The following RNF213 variants were observed in gnomAD, a reference collection of about 807,000 sequenced individuals.
RNF213 encodes the protein E3 ubiquitin-protein ligase RNF213.
Under a neutral mutation model 514.4 loss-of-function variants are expected in RNF213, and 341 were observed. That is an observed-to-expected ratio of 0.66 (90% CI 0.61 to 0.73). The LOEUF (loss-of-function observed/expected upper bound fraction) is 0.73. RNF213 is among the 30% of genes least tolerant of loss of function. The pLI, the probability that RNF213 is intolerant of heterozygous loss-of-function variation, is 0.00. For synonymous variants in RNF213, 2,655 were observed against 2,658.2 expected, an observed-to-expected ratio of 1.00 and a Z score of 0.04; for missense variants, 5,767 against 6,615.6, an observed-to-expected ratio of 0.87 and a Z score of 4.45.
rs1008733330 is a variant in RNF213 at position 80,398,168 on chromosome 17, CTTTGGT to C, written c.*4681_*4686del. Reference sequence around the variant, plus strand: ...TTGACTTGACTTGGATTGCTTGATACTTTGGTTTTGGTTTTGACCTGACTTGGATAT... The same window carrying C: ...TTGACTTGACTTGGATTGCTTGATACTTTGGTTTTGACCTGACTTGGATAT... On this transcript the variant is annotated 3_prime_UTR_variant, in exon 68 of 68. Transcript: ENST00000582970. The C allele has an allele frequency of 7.2e-5, 11 of 151,880 alleles. No homozygotes were observed. Among genetic ancestry groups the C allele is most frequent in the African/African-American group, 1.7e-4 (7 of 41,338 alleles). 9.4% of individuals were successfully genotyped at this position (151,880 alleles called of 1,614,324 possible).
At chr17:80,348,468 C>T (rs893013332) in intron 29 of RNF213, among the ~76,000 whole-genome samples, 182 bp downstream of exon 29, 4 of 152,228 alleles carry the variant, frequency 2.6e-5, no homozygotes, top group African/African-American at 9.7e-5. Flanking sequence ...GTGCTGAGTG[C>T]CTGGCTCTGT....
intron 36 of RNF213, among the ~76,000 whole-genome samples, chr17:80,355,656 G>A (rs1295870819): frequency 1.2e-4 from 6 of 48,908 alleles, no homozygotes; most frequent in African/African-American, 4.1e-4. Context: ...CGGGGTGGAC[G>A]GGAATGGGGG....
chr17:80,362,156 C>T (rs1211980098), intron 39 of RNF213, among the ~76,000 whole-genome samples: 1 of 152,138 alleles, frequency 6.6e-6, no homozygotes, highest in African/African-American at 2.4e-5. Flanking sequence ...CTTGACATAG[C>T]TTCTTTTTAA....
chr17:80,372,778 G>A (rs372341055), intron 48 of RNF213, 44 bp downstream of exon 48: 50 of 1,580,894 alleles, frequency 3.2e-5, no homozygotes, highest in Admixed American at 8.5e-5. Flanking sequence ...TAAAGACTCC[G>A]TTATTTAGAA....
intron 8 of RNF213, among the ~76,000 whole-genome samples, chr17:80,293,963 T>A (rs1054994047): frequency 4.6e-5 from 7 of 152,158 alleles, no homozygotes; most frequent in Non-Finnish European, 1.0e-4. Context: ...TGGGCGGGCC[T>A]GCCAGTCTAG....
At position 80,288,733 on chromosome 17, in the gene RNF213, C is replaced by T. The variant is rs1170617008; in HGVS notation, c.911C>T (p.Pro304Leu). The T allele has an allele frequency of 1.2e-6, 2 of 1,614,230 alleles. No homozygotes were observed. Among genetic ancestry groups the T allele is most frequent in the South Asian group, 2.2e-5 (2 of 91,084 alleles). The change falls in exon 5 of 68, where the codon CCT (proline) becomes CTT (leucine). Residue 304 changes from proline to leucine, a missense_variant. Transcript: ENST00000582970. This position sits in a 1 kb window ranked among gnomAD's most constrained non-coding sequence, Gnocchi z 4.9. ...ATGAAACAGCCACCAGCAACCACTC[C>T]TCCTTTCAAAACACACTGCCAGGTG... is the stretch of plus-strand genomic sequence containing the variant. ...QRMKQPPATT[P>L]PFKTHCQEAE... is the part of the protein sequence containing the mutation.
rs753352325 is a variant in RNF213, at chr17:80,332,293, C to T, written c.3805C>T (p.Leu1269Phe). 6.4e-5 allele frequency: 98 copies of T among 1,537,088 alleles called. No homozygotes were observed. Among genetic ancestry groups the T allele is most frequent in the Non-Finnish European group, 7.8e-5 (89 of 1,146,908 alleles). The change falls in exon 21 of 68, where the codon CTT (leucine) becomes TTT (phenylalanine). Residue 1269 changes from leucine to phenylalanine, a missense_variant. Leu to Phe is a conservative substitution (Grantham distance 22, BLOSUM62 0). Coordinates refer to ENST00000582970, the MANE Select transcript of RNF213 (RefSeq NM_001256071.3). ...EPEEESERHI[L>F]ELEEVYDYLY... is the part of the protein sequence containing the mutation. ...CGAAGAAGAATCAGAAAGGCACATC[C>T]TTGAGCTTGAAGAGGTGTATGACTA...
chr17:80,291,985 A>G (rs1429275948), intron 8 of RNF213, 158 bp downstream of exon 8: 2 of 765,984 alleles, frequency 2.6e-6, no homozygotes, highest in Non-Finnish European at 4.5e-6. Context: ...GTTCAGTGAC[A>G]CTGACTCTGG....
In RNF213 at chr17:80,280,567, C is replaced by G. The variant is rs138790004; in HGVS notation, c.261+7163C>G. Among the ~76,000 whole-genome samples, 15 of 152,230 alleles carry G rather than the reference C, an allele frequency of 9.9e-5. No individual in the cohort carries two copies. In the East Asian group the frequency reaches 2.9e-3, roughly 29 times the overall value. The stretch of plus-strand genomic sequence containing the variant: ...TTCCTGGGCTCAAGCAATCCTCGTG[C>G]CTCAGCCTCCCGAGTAGCTGGGACT... On this transcript the variant is annotated intron_variant, in intron 3 of 67. Coordinates refer to ENST00000582970, the MANE Select transcript of RNF213 (RefSeq NM_001256071.3).
At chr17:80,386,459 G>A in intron 62 of RNF213, 29 bp downstream of exon 62, 4 of 1,611,644 alleles carry the variant, frequency 2.5e-6, no homozygotes, top group Non-Finnish European at 3.4e-6. Flanking sequence ...AGGAAGTGGT[G>A]CCTGCTCAGC....
At chr17:80,331,908 C>G in intron 20 of RNF213, 98 bp from the exon 21 acceptor site, 1 of 1,378,078 alleles carries the variant, frequency 7.3e-7, no homozygotes, top group Admixed American at 2.5e-5. Context: ...CTCTTGAGTT[C>G]GCTCAGAGAA....
intron 13 of RNF213, among the ~76,000 whole-genome samples, 161 bp downstream of exon 13, chr17:80,307,362 G>GCTTTT (rs550244427): frequency 1.7e-4 from 19 of 113,720 alleles, no homozygotes; most frequent in Non-Finnish European, 2.4e-4. Context: ...ATTGTCGTCT[G>GCTTTT]TTTTTTTTTT....
chr17:80,265,035 T>C (rs2043560721), intron 2 of RNF213, among the ~76,000 whole-genome samples: 1 of 110,086 alleles, frequency 9.1e-6, no homozygotes, highest in Non-Finnish European at 1.8e-5. Flanking sequence ...AGTCCTTCCA[T>C]GTTTGTTTGT....
At position 80,380,904 on chromosome 17, in the gene RNF213, C is replaced by T. The variant is rs1040434824; in HGVS notation, c.13714C>T (p.Arg4572Ter). 1.9e-6 allele frequency: 3 copies of T among 1,614,144 alleles called. No individual in the cohort carries two copies. The highest frequency in any genetic ancestry group is 1.7e-5 in the Admixed American group (1 of 60,014). ...PQRRDVVTCD[R>*]GLPPVVFLLI... The stretch of plus-strand genomic sequence containing the variant: ...GCGGAGAGACGTGGTGACATGTGAC[C>T]GAGGGCTGCCCCCAGTGGTCTTCCT... Residue 4572 changes from arginine to a stop codon, truncating the protein, a stop_gained, in exon 56 of 68, where the codon CGA (arginine) becomes TGA (stop). Transcript: ENST00000582970. LOFTEE classifies it high-confidence loss of function.
intron 47 of RNF213, 104 bp downstream of exon 47, chr17:80,372,089 C>T (rs1032037980): frequency 1.5e-5 from 11 of 750,282 alleles, no homozygotes; most frequent in Non-Finnish European, 2.6e-5. Flanking sequence ...AACGAATGCT[C>T]TGTTCCGTGC....
At position 80,339,659 on chromosome 17, in the gene RNF213, C is replaced by A. The variant is rs749225397; in HGVS notation, c.5292C>A (p.Leu1764=). ...GCATGAGGAGAGTCATGGAAGAGCT[C>A]CCGCTGATGCTCTTATCAGAGTTCA... The part of the protein sequence containing the change: ...RYRMRRVMEE[L]PLMLLSEFSL... Residue 1764 remains leucine, a synonymous_variant, in exon 26 of 68, where the codon CTC becomes CTA. Coordinates refer to ENST00000582970, the MANE Select transcript of RNF213 (RefSeq NM_001256071.3). The A allele has an allele frequency of 1.1e-5, 17 of 1,536,958 alleles. No individual in the cohort carries two copies. The highest frequency in any genetic ancestry group is 1.4e-5 in the Non-Finnish European group (16 of 1,146,808).
At position 80,343,221 on chromosome 17, in the gene RNF213, G is replaced by A. The variant is rs549250924; in HGVS notation, c.6079G>A (p.Asp2027Asn). The change falls in exon 27 of 68, where the codon GAC (aspartate) becomes AAC (asparagine). Residue 2027 changes from aspartate to asparagine, a missense_variant. Asp to Asn is a conservative substitution (Grantham distance 23, BLOSUM62 1). Around this residue, in one of 13 missense-constraint regions of RNF213, gnomAD observed 1,377 missense variants for 1,635.2 expected, o/e 0.84. Transcript: ENST00000582970. This position sits in a 1 kb window ranked among gnomAD's most constrained non-coding sequence, Gnocchi z 4.3. ...GCCTCTGAAAACAATTCGACTGATC[G>A]ACCCTCAGGTGGATGAGAGCCGAGT... ...NVPLKTIRLIDPQVDESRVLG... is the reference protein window; with the variant it reads ...NVPLKTIRLINPQVDESRVLG... 6 of 1,613,992 alleles carry A rather than the reference G, an allele frequency of 3.7e-6. No individual in the cohort carries two copies. The highest frequency in any genetic ancestry group is 2.2e-5 in the South Asian group (2 of 91,070).
Position 80,288,810 on chromosome 17 carries a change from C to T in RNF213, c.933+55C>T, listed in dbSNP as rs921651926. 2.2e-5 allele frequency: 35 copies of T among 1,612,714 alleles called. 1 individual carries two copies. Among genetic ancestry groups the T allele is most frequent in the South Asian group, 1.3e-4 (12 of 91,044 alleles). On this transcript the variant is annotated intron_variant, in intron 5 of 67. Transcript: ENST00000582970. The surrounding 1 kb of genome is among the most constrained non-coding windows in gnomAD (Gnocchi z 4.9). Reference sequence around the variant, plus strand: ...GGAGGCCCTCTCCTGCCCACGGCTGCGCCTCTTTCATTTAATTATTCAGCA... The same window carrying T: ...GGAGGCCCTCTCCTGCCCACGGCTGTGCCTCTTTCATTTAATTATTCAGCA...
At chr17:80,275,151 A>C (rs1263878517) in intron 3 of RNF213, among the ~76,000 whole-genome samples, 1 of 68,350 alleles carries the variant, frequency 1.5e-5, no homozygotes, top group Non-Finnish European at 3.1e-5. Context: ...GTGTGTTGGG[A>C]GTGTGTGTGG....
Sources: gnomAD v4.1 joint callset for allele counts (sites outside exome capture counted in the v4.1 genomes callset) on GRCh38, gnomAD v4.1.1 for gene constraint, gnomAD v4.1.1 regional missense constraint, Gnocchi (gnomAD v3.1) non-coding constraint, MANE v1.5 for transcripts, NCBI Gene and HGNC (gene_info 2026-07-23, HGNC 2026-07-21) for gene names.